The following THSD7B variants were observed in gnomAD, a reference collection of about 807,000 sequenced individuals.
The protein encoded by THSD7B is thrombospondin type 1 domain containing 7B, also known as thrombospondin type-1 domain-containing protein 7B.
Under a neutral mutation model 213.6 loss-of-function variants are expected in THSD7B, and 138 were observed. The observed-to-expected ratio is 0.65, with a 90% CI of 0.56 to 0.74. The LOEUF (loss-of-function observed/expected upper bound fraction) is 0.74, where lower values mean the gene tolerates loss of function less well. Among genes scored for constraint, THSD7B ranks in the 30% least tolerant of loss-of-function variants. The pLI is 0.00. For synonymous variants in THSD7B, 742 were observed against 687.0 expected, an observed-to-expected ratio of 1.08 and a Z score of -1.25; for missense variants, 1,931 against 1,991.5, an observed-to-expected ratio of 0.97 and a Z score of 0.58.
intron 12 of THSD7B, among the ~76,000 whole-genome samples, chr2:137,285,212 A>T (rs990806340): frequency 3.9e-5 from 6 of 152,082 alleles, no homozygotes; most frequent in African/African-American, 9.7e-5. Context: ...ATCAGAGACT[A>T]GGATTGCAAC....
chr2:136,838,843 T>C (rs1175812154), intron 1 of THSD7B, among the ~76,000 whole-genome samples: 2 of 152,186 alleles, frequency 1.3e-5, no homozygotes, highest in Non-Finnish European at 2.9e-5. Flanking sequence ...TCCCCAAGTA[T>C]AAAATCATCA....
intron 12 of THSD7B, among the ~76,000 whole-genome samples, chr2:137,300,981 CT>C (rs1449067918): frequency 6.6e-6 from 1 of 152,094 alleles, no homozygotes; most frequent in Non-Finnish European, 1.5e-5. Context: ...GTGTATGTGC[CT>C]GTGCTAATTA....
chr2:137,285,830 G>T (rs146724613), intron 12 of THSD7B, among the ~76,000 whole-genome samples: 1 of 151,948 alleles, frequency 6.6e-6, no homozygotes. Flanking sequence ...ATGGCTGGGC[G>T]CAGTGGCTCA....
At chr2:137,067,396 G>T (rs1176931449) in intron 3 of THSD7B, among the ~76,000 whole-genome samples, 1 of 151,964 alleles carries the variant, frequency 6.6e-6, no homozygotes, top group Admixed American at 6.6e-5. Flanking sequence ...CTCCTTTGGT[G>T]TCCTTGTTTT....
intron 3 of THSD7B, among the ~76,000 whole-genome samples, chr2:137,071,120 T>A (rs1687477860): frequency 6.6e-6 from 1 of 152,176 alleles, no homozygotes; most frequent in Non-Finnish European, 1.5e-5. Context: ...TAGTTCTAGA[T>A]CCCTGAGGAA....
chr2:136,831,998 T>C (rs1259690781), intron 1 of THSD7B, among the ~76,000 whole-genome samples: 1 of 152,186 alleles, frequency 6.6e-6, no homozygotes, highest in Non-Finnish European at 1.5e-5. Context: ...AATTTCATTA[T>C]AAATGTTTTG....
chr2:137,593,709 C>T (rs1681906649), intron 17 of THSD7B, among the ~76,000 whole-genome samples: 1 of 151,900 alleles, frequency 6.6e-6, no homozygotes, highest in African/African-American at 2.4e-5. Flanking sequence ...ATATTTTCCA[C>T]AATTTTATAT....
At chr2:137,424,300 AAATT>A (rs1258927294) in intron 14 of THSD7B, among the ~76,000 whole-genome samples, 2 of 152,166 alleles carry the variant, frequency 1.3e-5, no homozygotes, top group African/African-American at 2.4e-5. Context: ...ACAAAAGAAA[AAATT>A]AATTGTCGTT....
Position 137,015,120 on chromosome 2 carries a change from A to G in THSD7B, c.140-41300A>G, listed in dbSNP as rs75881214. Among the ~76,000 whole-genome samples the G allele has an allele frequency of 1.4e-3, 214 of 152,256 alleles. 6 individuals carry two copies. The East Asian group carries it at 0.04, about 28-fold the overall frequency. On this transcript the variant is annotated intron_variant, in intron 2 of 27. Transcript: ENST00000409968. ...AAATGTCTGTTTTCTTTATTAAACTATAGACTCCCAGGGGGCAACGGCTGT... is the reference window on the plus strand; with the variant it reads ...AAATGTCTGTTTTCTTTATTAAACTGTAGACTCCCAGGGGGCAACGGCTGT...
chr2:136,977,355 T>G (rs999628617), intron 2 of THSD7B, among the ~76,000 whole-genome samples: 1 of 152,164 alleles, frequency 6.6e-6, no homozygotes, highest in African/African-American at 2.4e-5. Context: ...TAGCTAGCAG[T>G]CTATTCTTTT....
chr2:137,400,477 CTA>C (rs1686328330), intron 12 of THSD7B, among the ~76,000 whole-genome samples: 1 of 152,060 alleles, frequency 6.6e-6, no homozygotes, highest in African/African-American at 2.4e-5. Context: ...GGCAAAGACT[CTA>C]TGATTTCCCT....
At position 137,570,812 on chromosome 2, in the gene THSD7B, C is replaced by T. The variant is rs137981432; in HGVS notation, c.3273-1594C>T. Among the ~76,000 whole-genome samples, 608 of 152,196 alleles carry T rather than the reference C, an allele frequency of 4.0e-3. 6 individuals are homozygous for T. The highest frequency in any genetic ancestry group is 0.014 in the African/African-American group (586 of 41,510). ...CTGTCTCTATTTCAGTTCTGTACCC[C>T]AACACCCAGGCGAGGACTTAGTATG... On this transcript the variant is annotated intron_variant, in intron 16 of 27. Coordinates refer to ENST00000409968, the MANE Select transcript of THSD7B (RefSeq NM_001316349.2).
intron 2 of THSD7B, among the ~76,000 whole-genome samples, chr2:136,889,671 A>G (rs138484454): frequency 3.3e-5 from 5 of 152,264 alleles, no homozygotes; most frequent in African/African-American, 1.2e-4. Flanking sequence ...CCAAGGCTCC[A>G]TCTGATATGT....
chr2:137,651,738 AT>A (rs1683145019), intron 21 of THSD7B, among the ~76,000 whole-genome samples: 1 of 151,636 alleles, frequency 6.6e-6, no homozygotes. Context: ...TATCTCATAG[AT>A]TTTGGTTTGT....
chr2:136,779,232 G>A (rs1681679362), intron 1 of THSD7B, among the ~76,000 whole-genome samples: 1 of 148,516 alleles, frequency 6.7e-6, no homozygotes, highest in Non-Finnish European at 1.5e-5. Context: ...GTGTGTGTGT[G>A]TGTGTGTGTA....
intron 20 of THSD7B, among the ~76,000 whole-genome samples, chr2:137,631,264 G>C (rs1682736906): frequency 6.6e-6 from 1 of 152,052 alleles, no homozygotes; most frequent in Non-Finnish European, 1.5e-5. Context: ...CTTAATATTT[G>C]GATTAGTCAT....
chr2:136,858,777 G>A (rs1434078324), intron 1 of THSD7B, among the ~76,000 whole-genome samples: 1 of 152,178 alleles, frequency 6.6e-6, no homozygotes, highest in African/African-American at 2.4e-5. Flanking sequence ...ACCACCCAGT[G>A]TGAAAATGGA....
At chr2:137,387,442 T>C (rs1231997996) in intron 12 of THSD7B, among the ~76,000 whole-genome samples, 1 of 152,226 alleles carries the variant, frequency 6.6e-6, no homozygotes, top group Non-Finnish European at 1.5e-5. Context: ...TAATTTTACC[T>C]AGGAGTACAA....
chr2:136,822,757 G>A (rs62171212), intron 1 of THSD7B, among the ~76,000 whole-genome samples: 17,394 of 152,180 alleles, frequency 0.11, 1,365 homozygotes, highest in Non-Finnish European at 0.17. Flanking sequence ...GTGTCACCAC[G>A]GAGCATGTTT....
Sources: allele counts gnomAD v4.1 joint callset (sites outside exome capture counted in the v4.1 genomes callset), GRCh38; gene constraint gnomAD v4.1.1; transcripts MANE v1.5; gene names NCBI Gene and HGNC (gene_info 2026-07-23, HGNC 2026-07-21).